LIX1: variants seen among roughly 807,000 people sequenced by gnomAD.
LIX1 encodes the protein protein limb expression 1 homolog.
In LIX1, 24 loss-of-function variants were observed where a neutral mutation model predicts 33.4. The observed-to-expected ratio is 0.72, with a 90% confidence interval of 0.52 to 1.01. LIX1 has a LOEUF of 1.01. Among genes scored for constraint, LIX1 ranks in the 50% least tolerant of loss-of-function variants. The probability of loss-of-function intolerance (pLI) is 0.00; values close to 1 mark genes in which losing one functional copy is unlikely to be tolerated. For missense variants in LIX1, 311 were observed against 339.2 expected, an observed-to-expected ratio of 0.92 and a Z score of 0.65; for synonymous variants, 124 against 124.0, an observed-to-expected ratio of 1.00 and a Z score of 0.00.
At chr5:97,111,983 A>C (rs1747421086) in intron 2 of LIX1, among the ~76,000 whole-genome samples, 1 of 152,236 alleles carries the variant, frequency 6.6e-6, no homozygotes, top group Non-Finnish European at 1.5e-5. Context: ...ACGGGGGAGA[A>C]AGTGTTCCAA....
chr5:97,124,224 T>A (rs1747854404), intron 2 of LIX1, among the ~76,000 whole-genome samples: 1 of 152,146 alleles, frequency 6.6e-6, no homozygotes, highest in African/African-American at 2.4e-5. Context: ...ACGGTATCCA[T>A]AAGCAAGAAA....
intron 1 of LIX1, chr5:97,137,086 C>T (rs1259026981): frequency 2.2e-6 from 1 of 445,312 alleles, no homozygotes; most frequent in Non-Finnish European, 4.5e-6. Flanking sequence ...AACAGAAGAT[C>T]ATAACTTAGA....
intron 4 of LIX1, among the ~76,000 whole-genome samples, chr5:97,097,878 CA>C (rs1423464937): frequency 6.6e-6 from 1 of 152,158 alleles, no homozygotes; most frequent in African/African-American, 2.4e-5. Flanking sequence ...AATCCCCAAA[CA>C]AGCCAGTTTT....
At chr5:97,099,518 T>G (rs1746571054) in intron 4 of LIX1, among the ~76,000 whole-genome samples, 1 of 152,204 alleles carries the variant, frequency 6.6e-6, no homozygotes, top group South Asian at 2.1e-4. Flanking sequence ...TGCATTCTAT[T>G]GTGTATGTCC....
chr5:97,128,747 A>G (rs955963596), intron 1 of LIX1, among the ~76,000 whole-genome samples: 4 of 152,146 alleles, frequency 2.6e-5, no homozygotes, highest in African/African-American at 9.7e-5. Context: ...TCCTCTTTCA[A>G]TATCTAATAA....
chr5:97,123,054 A>T (rs1392940872), intron 2 of LIX1, among the ~76,000 whole-genome samples: 3 of 152,140 alleles, frequency 2.0e-5, no homozygotes, highest in Non-Finnish European at 4.4e-5. Context: ...GGTTTCCATA[A>T]ATCCCCTCTT....
intron 2 of LIX1, among the ~76,000 whole-genome samples, chr5:97,119,018 T>C (rs1200276652): frequency 6.6e-6 from 1 of 152,214 alleles, no homozygotes; most frequent in Non-Finnish European, 1.5e-5. Flanking sequence ...TTTCCTTTGA[T>C]TAATCAGAAA....
rs772734107 is a variant in LIX1 at position 97,107,506 on chromosome 5, G to C, written c.247-6C>G. 3 of 1,613,834 alleles carry C rather than the reference G, an allele frequency of 1.9e-6. No homozygotes were observed. The highest frequency in any genetic ancestry group is 2.5e-6 in the Non-Finnish European group (3 of 1,179,926). The stretch of plus-strand genomic sequence containing the variant: ...TCGGCTCTACTTAAGCAGCACTTGA[G>C]AAGGGAGGGAGAAAAGGAGTCATTT... On this transcript the variant is annotated splice_polypyrimidine_tract_variant and splice_region_variant and intron_variant, in intron 2 of 5. Transcript: ENST00000274382.
chr5:97,098,369 T>C (rs1580199807), intron 4 of LIX1, among the ~76,000 whole-genome samples: 1 of 152,254 alleles, frequency 6.6e-6, no homozygotes, highest in Non-Finnish European at 1.5e-5. Context: ...ATAAGTTTAC[T>C]GAAGATTTTC....
intron 1 of LIX1, among the ~76,000 whole-genome samples, chr5:97,133,321 A>G (rs929805485): frequency 1.3e-5 from 2 of 152,226 alleles, no homozygotes; most frequent in African/African-American, 4.8e-5. Context: ...ACCATGCCTC[A>G]GTTCCTCATC....
intron 1 of LIX1, among the ~76,000 whole-genome samples, chr5:97,127,571 G>A (rs1747960388): frequency 6.6e-6 from 1 of 152,140 alleles, no homozygotes; most frequent in African/African-American, 2.4e-5. Context: ...TTGCCGTTTG[G>A]AATTCCAAAG....
At chr5:97,129,664 A>G (rs1300796386) in intron 1 of LIX1, among the ~76,000 whole-genome samples, 2 of 152,146 alleles carry the variant, frequency 1.3e-5, no homozygotes, top group Non-Finnish European at 2.9e-5. Context: ...ATCCTGAGAT[A>G]CTCCGTAATA....
chr5:97,117,779 G>A (rs73143142), intron 2 of LIX1, among the ~76,000 whole-genome samples: 13 of 152,244 alleles, frequency 8.5e-5, no homozygotes, highest in African/African-American at 2.6e-4. Context: ...AAACCAGATT[G>A]GCATAAAAAT....
intron 1 of LIX1, among the ~76,000 whole-genome samples, chr5:97,132,865 T>C (rs894993749): frequency 6.6e-6 from 1 of 151,892 alleles, no homozygotes; most frequent in African/African-American, 2.4e-5. Flanking sequence ...TAGAAGTGGG[T>C]AGGAGATGAT....
intron 1 of LIX1, among the ~76,000 whole-genome samples, chr5:97,140,671 C>T (rs184651645): frequency 6.6e-5 from 10 of 152,288 alleles, no homozygotes; most frequent in South Asian, 6.2e-4. Context: ...ACTTATTCCA[C>T]GAGATTGGTA....
At chr5:97,100,361 A>G (rs929020125) in intron 4 of LIX1, among the ~76,000 whole-genome samples, 1 of 152,108 alleles carries the variant, frequency 6.6e-6, no homozygotes, top group Non-Finnish European at 1.5e-5. Flanking sequence ...TCTCTCCAGT[A>G]ACACAACTGC....
chr5:97,130,768 A>G (rs1016894334), intron 1 of LIX1, among the ~76,000 whole-genome samples: 9 of 152,232 alleles, frequency 5.9e-5, no homozygotes, highest in African/African-American at 2.2e-4. Context: ...TGTGATTTCT[A>G]TCAGCTTAGA....
intron 2 of LIX1, among the ~76,000 whole-genome samples, chr5:97,120,689 T>C (rs1747756005): frequency 6.6e-6 from 1 of 152,118 alleles, no homozygotes; most frequent in South Asian, 2.1e-4. Flanking sequence ...GGTAGAAGCA[T>C]TAAGTGTCAG....
In LIX1 at chr5:97,142,604, TAC is replaced by T. The variant is rs547534495; in HGVS notation, c.-30_-29del. The T allele has an allele frequency of 4.7e-5, 73 of 1,568,322 alleles. No individual in the cohort carries two copies. In the African/African-American group the frequency reaches 8.6e-4, roughly 19 times the overall value. ...TGGGTCTGCCTGTGTGAGCCTCCTG[TAC>T]AGAGTGTCCTCATGCCTGAATTCTT... is the stretch of plus-strand genomic sequence containing the variant. On this transcript the variant is annotated 5_prime_UTR_variant, in exon 1 of 6. Transcript: ENST00000274382.
Sources: allele counts gnomAD v4.1 joint callset (sites outside exome capture counted in the v4.1 genomes callset), GRCh38; gene constraint gnomAD v4.1.1; transcripts MANE v1.5; gene names NCBI Gene and HGNC (gene_info 2026-07-23, HGNC 2026-07-21).